TRPM8: variants seen among roughly 807,000 people sequenced by gnomAD.
The protein encoded by TRPM8 is TRPM8 cationic channel.
Under a neutral mutation model 133.7 loss-of-function variants are expected in TRPM8, and 110 were observed. The observed-to-expected ratio is 0.82, with a 90% CI of 0.70 to 0.96. The LOEUF (loss-of-function observed/expected upper bound fraction) is 0.96, where lower values mean the gene tolerates loss of function less well. TRPM8 is among the 40% of genes least tolerant of loss of function. The pLI is 0.00. For synonymous variants in TRPM8, 535 were observed against 532.3 expected, an observed-to-expected ratio of 1.01 and a Z score of -0.07; for missense variants, 1,291 against 1,379.5, an observed-to-expected ratio of 0.94 and a Z score of 1.02.
chr2:233,971,321 G>A (rs1313083248), intron 17 of TRPM8, among the ~76,000 whole-genome samples: 1 of 152,130 alleles, frequency 6.6e-6, no homozygotes, highest in African/African-American at 2.4e-5. Flanking sequence ...AAAGTTTCAT[G>A]CCAACTCTGA....
intron 17 of TRPM8, among the ~76,000 whole-genome samples, chr2:233,976,920 G>A (rs1042835071): frequency 2.0e-4 from 30 of 152,234 alleles, no homozygotes; most frequent in Non-Finnish European, 4.4e-4. Flanking sequence ...TCCTAAATGG[G>A]ATTGCTTTCC....
intron 17 of TRPM8, among the ~76,000 whole-genome samples, chr2:233,975,604 G>A (rs1187497203): frequency 6.6e-6 from 1 of 152,182 alleles, no homozygotes; most frequent in South Asian, 2.1e-4. Flanking sequence ...CCAGAGGCTG[G>A]GCACGGTGGC....
At chr2:233,926,703 T>C in intron 2 of TRPM8, 49 bp downstream of exon 2, 1 of 1,426,862 alleles carries the variant, frequency 7.0e-7, no homozygotes, top group South Asian at 1.2e-5. Flanking sequence ...GTAACCTTCG[T>C]AAGCCGTCAA....
In TRPM8 at chr2:233,960,919, C is replaced by T. The variant is rs768955369; in HGVS notation, c.1506C>T (p.Ser502=). The T allele has an allele frequency of 1.2e-6, 2 of 1,614,196 alleles. No homozygotes were observed. Among genetic ancestry groups the T allele is most frequent in the Non-Finnish European group, 1.7e-6 (2 of 1,180,044 alleles). The change falls in exon 12 of 26, where the codon AGC becomes AGT. Residue 502 remains serine (S), a synonymous_variant. Transcript: ENST00000324695. The stretch of plus-strand genomic sequence containing the variant: ...CTGAACTCTTCTCCAACCACTTCAG[C>T]ACGCTTGTGTACCGGAATCTGCAGA... ...VLTELFSNHF[S]TLVYRNLQIA... is the part of the protein sequence containing the mutation.
chr2:233,951,061 CA>C, intron 9 of TRPM8, among the ~76,000 whole-genome samples: 1 of 151,966 alleles, frequency 6.6e-6, no homozygotes. Context: ...AACAAACAAA[CA>C]AACAAACAAA....
chr2:233,943,629 C>T (rs966407018), intron 6 of TRPM8, among the ~76,000 whole-genome samples: 2 of 152,150 alleles, frequency 1.3e-5, no homozygotes, highest in Non-Finnish European at 2.9e-5. Flanking sequence ...CACCCCCCGC[C>T]CCCTGCAAAT....
At chr2:233,941,512 A>G (rs1490649462) in intron 5 of TRPM8, among the ~76,000 whole-genome samples, 1 of 152,172 alleles carries the variant, frequency 6.6e-6, no homozygotes, top group Admixed American at 6.5e-5. Flanking sequence ...GTAAAATTAG[A>G]GAATGGAGAT....
At chr2:233,921,181 A>G (rs993838283) in intron 1 of TRPM8, among the ~76,000 whole-genome samples, 2 of 152,134 alleles carry the variant, frequency 1.3e-5, no homozygotes, top group Admixed American at 6.5e-5. Context: ...CCACTTGGAC[A>G]TGCATTCATT....
At chr2:234,012,470 T>A (rs1472265677) in intron 24 of TRPM8, among the ~76,000 whole-genome samples, 1 of 112,806 alleles carries the variant, frequency 8.9e-6, no homozygotes, top group African/African-American at 3.8e-5. Context: ...TTTTTGTGTG[T>A]GTGAGAGTGT....
In TRPM8 at chr2:233,941,757, G is replaced by A. The variant is rs28901627; in HGVS notation, c.527-819G>A. On this transcript the variant is annotated intron_variant, in intron 5 of 25. Transcript: ENST00000324695. Reference sequence around the variant, plus strand: ...CTGCCCCCCGCCGCAATAAAACCCTGTATAACCCTTAGCATTGAGAAGATA... The same window carrying A: ...CTGCCCCCCGCCGCAATAAAACCCTATATAACCCTTAGCATTGAGAAGATA... Among the ~76,000 whole-genome samples, 1,097 of 152,240 alleles carry A rather than the reference G, an allele frequency of 7.2e-3. 16 individuals are homozygous for A. Among genetic ancestry groups the A allele is most frequent in the African/African-American group, 0.025 (1,024 of 41,532 alleles).
intron 17 of TRPM8, among the ~76,000 whole-genome samples, chr2:233,976,668 G>A (rs1691881419): frequency 6.6e-6 from 1 of 152,034 alleles, no homozygotes; most frequent in South Asian, 2.1e-4. Flanking sequence ...TCTTTGAGTG[G>A]GCCACTTTTA....
chr2:233,948,820 G>A (rs774286489), intron 8 of TRPM8, among the ~76,000 whole-genome samples: 1 of 152,182 alleles, frequency 6.6e-6, no homozygotes, highest in Non-Finnish European at 1.5e-5. Flanking sequence ...ATCACCTGAG[G>A]TCAGGAGTTC....
intron 9 of TRPM8, among the ~76,000 whole-genome samples, chr2:233,952,981 C>T (rs144432585): frequency 1.3e-5 from 2 of 152,174 alleles, no homozygotes; most frequent in African/African-American, 4.8e-5. Flanking sequence ...AGGCTGCAGA[C>T]AGATGAAGAG....
In TRPM8 at chr2:233,983,211, C is replaced by A. The variant is rs145230970; in HGVS notation, c.2748C>A (p.Pro916=). ...ACCTGGCCATGTTCGGCCAGGTGCC[C>A]AGTGACGTGGATGGTAAGCCTGACT... ...EPYLAMFGQV[P]SDVDGTTYDF... The change falls in exon 20 of 26, where the codon CCC becomes CCA. Residue 916 remains proline (P), a synonymous_variant. Transcript: ENST00000324695. 2.2e-3 allele frequency: 3,492 copies of A among 1,614,094 alleles called. 54 individuals carry two copies. In the African/African-American group the frequency reaches 0.039, roughly 18 times the overall value.
Position 233,960,954 on chromosome 2 carries a change from A to T in TRPM8, c.1541A>T (p.Asn514Ile), listed in dbSNP as rs1691421142. 6.2e-7 allele frequency: 1 copy of T among 1,614,062 alleles called. No homozygotes were observed. The highest frequency in any genetic ancestry group is 1.3e-5 in the African/African-American group (1 of 74,916). The change falls in exon 12 of 26, where the codon AAT (asparagine) becomes ATT (isoleucine). Residue 514 changes from asparagine to isoleucine, a missense_variant. Transcript: ENST00000324695. ...TACCGGAATCTGCAGATCGCCAAGA[A>T]TTCCTATAATGATGCCCTCCTCACG... is the stretch of plus-strand genomic sequence containing the variant. ...LVYRNLQIAK[N>I]SYNDALLTFV...
chr2:233,947,564 A>G (rs1343937541), intron 8 of TRPM8: 2 of 1,292,856 alleles, frequency 1.5e-6, no homozygotes, highest in East Asian at 5.5e-5. Flanking sequence ...GCCCATTTAT[A>G]TGCCACCTGG....
At chr2:233,956,415 G>T (rs1262890548) in intron 11 of TRPM8, among the ~76,000 whole-genome samples, 1 of 152,126 alleles carries the variant, frequency 6.6e-6, no homozygotes, top group Non-Finnish European at 1.5e-5. Context: ...ATCCTCCCGT[G>T]TACAACTAAA....
At chr2:233,943,141 G>A (rs1016308580) in intron 6 of TRPM8, among the ~76,000 whole-genome samples, 5 of 145,202 alleles carry the variant, frequency 3.4e-5, no homozygotes, top group African/African-American at 1.0e-4. Context: ...TTAAGTTTTA[G>A]GGTACTTGTG....
At chr2:233,982,189 T>C (rs749120747) in intron 19 of TRPM8, among the ~76,000 whole-genome samples, 1 of 152,200 alleles carries the variant, frequency 6.6e-6, no homozygotes, top group Admixed American at 6.5e-5. Context: ...ATTTGAGTCT[T>C]GACAGTTTGC....
Sources: gnomAD v4.1 joint callset for allele counts (sites outside exome capture counted in the v4.1 genomes callset) on GRCh38, gnomAD v4.1.1 for gene constraint, MANE v1.5 for transcripts, NCBI Gene and HGNC (gene_info 2026-07-23, HGNC 2026-07-21) for gene names.